Variants in SLC6A4 observed in about 807,000 individuals in gnomAD.
The protein encoded by SLC6A4 is sodium-dependent serotonin transporter.
A neutral mutation model predicts 73.4 loss-of-function variants in SLC6A4; 22 were observed. That is an observed-to-expected ratio of 0.30 (90% CI 0.21 to 0.43). SLC6A4 has a LOEUF of 0.43. SLC6A4 is among the 20% of genes least tolerant of loss of function. The pLI, the probability that SLC6A4 is intolerant of heterozygous loss-of-function variation, is 1.00. For synonymous variants in SLC6A4, 270 were observed against 315.5 expected (o/e 0.86, Z 1.53); for missense variants, 593 against 808.5 (o/e 0.73, Z 3.23).
rs1244150981 is a variant in SLC6A4, at chr17:30,196,050, T to G, written c.*2406A>C. ...CCAAGCTGGTCTCAAACTCCTGATG[T>G]CATGTGATCCTCCCACTGCAGCCTC... On this transcript the variant is annotated 3_prime_UTR_variant, in exon 15 of 15. Transcript: ENST00000650711. 6.6e-6 allele frequency: 1 copy of G among 151,986 alleles called. No homozygotes were observed. Among genetic ancestry groups the G allele is most frequent in the Non-Finnish European group, 1.5e-5 (1 of 67,992 alleles). The allele number at this position is 151,986 out of a possible 1,614,324, so 9.4% of individuals were successfully genotyped here.
chr17:30,226,877 A>AAAAAAAAAAAAG (rs965167639), intron 1 of SLC6A4, among the ~76,000 whole-genome samples: 2 of 119,990 alleles, frequency 1.7e-5, no homozygotes, highest in African/African-American at 6.6e-5. Flanking sequence ...TGTCTCAAAA[A>AAAAAAAAAAAAG]AAAAAGAAAA....
rs1053759412 is a variant in SLC6A4, at chr17:30,194,627, A to G, written c.*3829T>C. 1.3e-5 allele frequency: 2 copies of G among 152,208 alleles called. No individual in the cohort carries two copies. The highest frequency in any genetic ancestry group is 1.3e-4 in the Admixed American group (2 of 15,284). 9.4% of individuals were successfully genotyped at this position (152,208 alleles called of 1,614,324 possible). On this transcript the variant is annotated 3_prime_UTR_variant, in exon 15 of 15. Coordinates refer to ENST00000650711, the MANE Select transcript of SLC6A4 (RefSeq NM_001045.6). Reference sequence around the variant, plus strand: ...ATATCATTTTCTTAAGATAAAGTACACCTTTAATTTTAGAGTGTAAATAAG... The same window carrying G: ...ATATCATTTTCTTAAGATAAAGTACGCCTTTAATTTTAGAGTGTAAATAAG...
At chr17:30,220,474 T>C (rs1004247504) in intron 3 of SLC6A4, among the ~76,000 whole-genome samples, 2 of 152,168 alleles carry the variant, frequency 1.3e-5, no homozygotes, top group Non-Finnish European at 2.9e-5. Context: ...AGGAACAAGA[T>C]AGGGCCTCTG....
At position 30,235,473 on chromosome 17, in the gene SLC6A4, G is replaced by A. The variant is rs1219756448; in HGVS notation, c.-221+140C>T. Reference sequence around the variant, plus strand: ...GTGGAGGGCGCAGGGGCAGGATCCGGCGCCCACCGCTGGGGCGCATGCACC... The same window carrying A: ...GTGGAGGGCGCAGGGGCAGGATCCGACGCCCACCGCTGGGGCGCATGCACC... On this transcript the variant is annotated intron_variant, in intron 1 of 14. Transcript: ENST00000650711. This position sits in a 1 kb window ranked among gnomAD's most constrained non-coding sequence, Gnocchi z 4.5. 6.6e-6 allele frequency: 1 copy of A among 152,266 alleles called. No individual in the cohort carries two copies. The highest frequency in any genetic ancestry group is 2.4e-5 in the African/African-American group (1 of 41,468). The allele number at this position is 152,266 out of a possible 1,614,324, so 9.4% of individuals were successfully genotyped here.
At chr17:30,231,316 G>GATATATATATACACACTATAT (rs1555591657) in intron 1 of SLC6A4, among the ~76,000 whole-genome samples, 4 of 150,082 alleles carry the variant, frequency 2.7e-5, no homozygotes, top group South Asian at 2.1e-4. Flanking sequence ...TATACCTACA[G>GATATATATATACACACTATAT]ATATATATAT....
chr17:30,218,363 C>T, intron 4 of SLC6A4, 26 bp from the exon 5 acceptor site: 1 of 1,587,026 alleles, frequency 6.3e-7, no homozygotes, highest in South Asian at 1.1e-5. Flanking sequence ...GATGGAGAGA[C>T]AGAGGCCGAG....
At chr17:30,199,944 G>C (rs2143013084) in intron 14 of SLC6A4, among the ~76,000 whole-genome samples, 1 of 151,674 alleles carries the variant, frequency 6.6e-6, no homozygotes, top group Non-Finnish European at 1.5e-5. Flanking sequence ...TGTTGCCCAG[G>C]CTGGAGTGCA....
In SLC6A4 at chr17:30,212,744, G is replaced by C. The variant is rs148279474; in HGVS notation, c.1200C>G (p.Asp400Glu). The C allele has an allele frequency of 6.2e-7, 1 of 1,614,144 alleles. No homozygotes were observed. The highest frequency in any genetic ancestry group is 2.2e-5 in the East Asian group (1 of 44,892). Residue 400 changes from aspartate to glutamate, a missense_variant, in exon 9 of 15, where the codon GAC (aspartate) becomes GAG (glutamate). Physicochemically the swap from Asp to Glu is conservative, Grantham distance 45. Transcript: ENST00000650711. ...RNEDVSEVAK[D>E]AGPSLLFITY... ...GCATAGAACCCGAGGTCCTACCTGC[G>C]TCTTTGGCCACCTCAGACACATCTT...
At position 30,219,568 on chromosome 17, in the gene SLC6A4, A is replaced by T. The variant is rs1428524768; in HGVS notation, c.344-637T>A. Among the ~76,000 whole-genome samples, 6 of 152,312 alleles carry T rather than the reference A, an allele frequency of 3.9e-5. No homozygotes were observed. In the East Asian group the frequency reaches 1.2e-3, roughly 29 times the overall value. Reference sequence around the variant, plus strand: ...GACACATGATTATTGATATTTGGCTACACTTCCATAATTCCATTGAGCCAG... The same window carrying T: ...GACACATGATTATTGATATTTGGCTTCACTTCCATAATTCCATTGAGCCAG... On this transcript the variant is annotated intron_variant, in intron 3 of 14. Coordinates refer to ENST00000650711, the MANE Select transcript of SLC6A4 (RefSeq NM_001045.6).
At chr17:30,227,104 T>G (rs191349187) in intron 1 of SLC6A4, among the ~76,000 whole-genome samples, 146 of 152,346 alleles carry the variant, frequency 9.6e-4, no homozygotes, top group African/African-American at 3.4e-3. Flanking sequence ...GCCCCCAGGC[T>G]TTAAGTCTTC....
chr17:30,214,936 CTCTT>C (rs199760881), intron 8 of SLC6A4, among the ~76,000 whole-genome samples: 4,481 of 151,042 alleles, frequency 0.03, 113 homozygotes, highest in African/African-American at 0.068. Context: ...CCCCGTCTCT[CTCTT>C]TCTTTCTTTC....
chr17:30,230,092 AGAAGAG>A (rs1481033541), intron 1 of SLC6A4, among the ~76,000 whole-genome samples: 5,360 of 131,692 alleles, frequency 0.041, 227 homozygotes, highest in African/African-American at 0.073. Context: ...AAGAAGAAGA[AGAAGAG>A]GAGGAAGAGG....
chr17:30,213,665 T>C lies in SLC6A4; in HGVS notation c.1077-798A>G, dbSNP rs148580776. ...ATCAGTTTTACAATTATCTTATGCA[T>C]AGCACAAAGAGATTGATGGATGCTG... On this transcript the variant is annotated intron_variant, in intron 8 of 14. Coordinates refer to ENST00000650711, the MANE Select transcript of SLC6A4 (RefSeq NM_001045.6). 5.0e-3 allele frequency among the ~76,000 whole-genome samples: 761 copies of C among 152,312 alleles called. 4 individuals carry two copies. Among genetic ancestry groups the C allele is most frequent in the African/African-American group, 0.018 (730 of 41,552 alleles).
chr17:30,216,669 T>C (rs1426641417), intron 6 of SLC6A4, among the ~76,000 whole-genome samples: 1 of 151,962 alleles, frequency 6.6e-6, no homozygotes, highest in Non-Finnish European at 1.5e-5. Context: ...TATTCTTTTT[T>C]CTTTTCCTTT....
Position 30,222,057 on chromosome 17 carries a change from C to G in SLC6A4, c.-99G>C. On this transcript the variant is annotated 5_prime_UTR_variant, in exon 3 of 15. Coordinates refer to ENST00000650711, the MANE Select transcript of SLC6A4 (RefSeq NM_001045.6). ...GGATCACCTCCGAGCTCTCTATCGT[C>G]GGGATTGACACGTCGGGATTGACTC... 1 of 1,587,614 alleles carries G rather than the reference C, an allele frequency of 6.3e-7. No homozygotes were observed. The highest frequency in any genetic ancestry group is 8.6e-7 in the Non-Finnish European group (1 of 1,167,342).
intron 13 of SLC6A4, among the ~76,000 whole-genome samples, chr17:30,206,802 T>C (rs1395179786): frequency 7.6e-6 from 1 of 132,418 alleles, no homozygotes; most frequent in Non-Finnish European, 1.6e-5. Context: ...CACTGCAACC[T>C]CCGCCTCCCA....
At chr17:30,224,700 C>T (rs1169612064) in intron 1 of SLC6A4, among the ~76,000 whole-genome samples, 1 of 152,218 alleles carries the variant, frequency 6.6e-6, no homozygotes, top group African/African-American at 2.4e-5. Flanking sequence ...AGGAAATAGA[C>T]ATTTAGCAGC....
chr17:30,194,625 A>G lies in SLC6A4; in HGVS notation c.*3831T>C, dbSNP rs1351704465. 1 of 152,206 alleles carries G rather than the reference A, an allele frequency of 6.6e-6. No homozygotes were observed. Among genetic ancestry groups the G allele is most frequent in the Non-Finnish European group, 1.5e-5 (1 of 68,030 alleles). The allele number at this position is 152,206 out of a possible 1,614,324, so 9.4% of individuals were successfully genotyped here. On this transcript the variant is annotated 3_prime_UTR_variant, in exon 15 of 15. Coordinates refer to ENST00000650711, the MANE Select transcript of SLC6A4 (RefSeq NM_001045.6). ...ATATATCATTTTCTTAAGATAAAGT[A>G]CACCTTTAATTTTAGAGTGTAAATA...
chr17:30,205,508 G>A (rs1047038423), intron 13 of SLC6A4, among the ~76,000 whole-genome samples: 1 of 152,148 alleles, frequency 6.6e-6, no homozygotes, highest in Non-Finnish European at 1.5e-5. Flanking sequence ...TGGGCTAGGC[G>A]ATTTCCAACA....
Sources: gnomAD v4.1 joint callset for allele counts (sites outside exome capture counted in the v4.1 genomes callset) on GRCh38, gnomAD v4.1.1 for gene constraint, Gnocchi (gnomAD v3.1) non-coding constraint, MANE v1.5 for transcripts, NCBI Gene and HGNC (gene_info 2026-07-23, HGNC 2026-07-21) for gene names.